MIPOL1: variants seen among roughly 807,000 people sequenced by gnomAD.
The protein encoded by MIPOL1 is mirror-image polydactyly 1, also known as mirror-image polydactyly gene 1 protein.
A neutral mutation model predicts 60.9 loss-of-function variants in MIPOL1; 57 were observed. The observed-to-expected ratio is 0.94, with a 90% confidence interval of 0.76 to 1.17. The LOEUF is 1.17. Among genes scored for constraint, MIPOL1 ranks in the 50% most tolerant of loss-of-function variants. MIPOL1 has a pLI of 0.00. For missense variants in MIPOL1, 551 were observed against 511.6 expected (o/e 1.08, Z -0.74); for synonymous variants, 179 against 168.8 (o/e 1.06, Z -0.47).
At chr14:37,345,344 A>G (rs1443523158) in intron 9 of MIPOL1, among the ~76,000 whole-genome samples, 4 of 152,182 alleles carry the variant, frequency 2.6e-5, no homozygotes, top group Non-Finnish European at 4.4e-5. Flanking sequence ...GACTTAAGTG[A>G]TCTTCCTGCC....
intron 12 of MIPOL1, among the ~76,000 whole-genome samples, chr14:37,520,542 T>C (rs985366014): frequency 6.6e-6 from 1 of 152,190 alleles, no homozygotes; most frequent in African/African-American, 2.4e-5. Flanking sequence ...TTGAAACTTT[T>C]CTGGGTTTAA....
At chr14:37,511,028 A>G (rs958837441) in intron 12 of MIPOL1, among the ~76,000 whole-genome samples, 2 of 152,208 alleles carry the variant, frequency 1.3e-5, no homozygotes, top group Non-Finnish European at 2.9e-5. Context: ...TGGTAATAGT[A>G]GAGACTATCT....
chr14:37,321,915 C>T (rs921815129), intron 9 of MIPOL1, among the ~76,000 whole-genome samples: 13 of 151,840 alleles, frequency 8.6e-5, no homozygotes, highest in Admixed American at 6.6e-5. Flanking sequence ...TCAGACTTGA[C>T]CCCAACATCT....
At chr14:37,265,619 T>C (rs1219512890) in intron 3 of MIPOL1, among the ~76,000 whole-genome samples, 2 of 152,232 alleles carry the variant, frequency 1.3e-5, no homozygotes, top group East Asian at 3.9e-4. Flanking sequence ...AACATTGATT[T>C]GCTGGAATCA....
chr14:37,235,490 T>C (rs35322850), intron 1 of MIPOL1, among the ~76,000 whole-genome samples: 39,237 of 152,026 alleles, frequency 0.26, 5,222 homozygotes, highest in South Asian at 0.33. Flanking sequence ...GTGTGTGGTA[T>C]AGTTAGACTC....
At chr14:37,212,868 C>CAG (rs757494148) in intron 1 of MIPOL1, among the ~76,000 whole-genome samples, 2 of 151,960 alleles carry the variant, frequency 1.3e-5, no homozygotes, top group Admixed American at 6.6e-5. Flanking sequence ...TGTCATAGAA[C>CAG]AGAGAGAGAG....
At chr14:37,214,800 A>G (rs775481318) in intron 1 of MIPOL1, among the ~76,000 whole-genome samples, 1 of 152,122 alleles carries the variant, frequency 6.6e-6, no homozygotes, top group African/African-American at 2.4e-5. Context: ...AAAGACACCC[A>G]TTACCAAGCG....
chr14:37,328,015 G>C (rs1416624340), intron 9 of MIPOL1, among the ~76,000 whole-genome samples: 1 of 147,490 alleles, frequency 6.8e-6, no homozygotes, highest in Non-Finnish European at 1.5e-5. Context: ...AAAATTTTCT[G>C]TTTTCTTTTT....
intron 12 of MIPOL1, among the ~76,000 whole-genome samples, chr14:37,537,663 C>A (rs1392494781): frequency 6.6e-6 from 1 of 152,012 alleles, no homozygotes; most frequent in Non-Finnish European, 1.5e-5. Context: ...ATGCATGATA[C>A]CAAACACAGC....
intron 9 of MIPOL1, among the ~76,000 whole-genome samples, chr14:37,351,841 T>G (rs1374120009): frequency 2.0e-5 from 3 of 149,710 alleles, no homozygotes; most frequent in Admixed American, 1.3e-4. Flanking sequence ...TGTGAAAATT[T>G]TCTCCCATTT....
At chr14:37,464,530 A>G (rs2094575909) in intron 11 of MIPOL1, among the ~76,000 whole-genome samples, 1 of 152,164 alleles carries the variant, frequency 6.6e-6, no homozygotes, top group Admixed American at 6.5e-5. Context: ...GGAGCTAAAC[A>G]ATGGATACAC....
At chr14:37,260,305 T>G (rs879803196) in intron 3 of MIPOL1, among the ~76,000 whole-genome samples, 38 of 151,986 alleles carry the variant, frequency 2.5e-4, no homozygotes, top group Admixed American at 1.8e-3. Context: ...TTCATTTCAT[T>G]GAATGAAAGA....
chr14:37,456,100 C>T (rs998794237), intron 11 of MIPOL1, among the ~76,000 whole-genome samples: 1 of 151,220 alleles, frequency 6.6e-6, no homozygotes, highest in African/African-American at 2.4e-5. Flanking sequence ...GTTTCTTCTA[C>T]GTGATATTAA....
intron 11 of MIPOL1, among the ~76,000 whole-genome samples, chr14:37,448,058 A>C (rs966432273): frequency 6.6e-6 from 1 of 152,192 alleles, no homozygotes; most frequent in Non-Finnish European, 1.5e-5. Flanking sequence ...AAGGCTGCAA[A>C]CTGGATATGC....
chr14:37,288,992 A>G (rs2084822723), intron 7 of MIPOL1, among the ~76,000 whole-genome samples: 1 of 152,214 alleles, frequency 6.6e-6, no homozygotes, highest in Admixed American at 6.5e-5. Context: ...TCACATTAAA[A>G]AATCTGTAAA....
intron 10 of MIPOL1, among the ~76,000 whole-genome samples, chr14:37,373,381 T>C (rs1419655040): frequency 6.6e-6 from 1 of 152,076 alleles, no homozygotes; most frequent in East Asian, 1.9e-4. Flanking sequence ...AAAATTCATA[T>C]ATATTGCCTT....
At chr14:37,342,751 T>A (rs2090666450) in intron 9 of MIPOL1, among the ~76,000 whole-genome samples, 1 of 152,136 alleles carries the variant, frequency 6.6e-6, no homozygotes, top group African/African-American at 2.4e-5. Flanking sequence ...AACATAATAA[T>A]CTTAGATAGT....
At chr14:37,527,723 A>C (rs1024248820) in intron 12 of MIPOL1, among the ~76,000 whole-genome samples, 5 of 152,120 alleles carry the variant, frequency 3.3e-5, no homozygotes, top group African/African-American at 1.2e-4. Context: ...TAATTATCAA[A>C]ATTGTAGGGC....
chr14:37,212,772 G>C (rs1030102673), intron 1 of MIPOL1, among the ~76,000 whole-genome samples: 1 of 152,152 alleles, frequency 6.6e-6, no homozygotes, highest in Non-Finnish European at 1.5e-5. Context: ...GAGATCTAAT[G>C]CTGTGCTGGC....
Sources: gnomAD v4.1 joint callset for allele counts (sites outside exome capture counted in the v4.1 genomes callset) on GRCh38, gnomAD v4.1.1 for gene constraint, MANE v1.5 for transcripts, NCBI Gene and HGNC (gene_info 2026-07-23, HGNC 2026-07-21) for gene names.